OLFM2: variants seen among roughly 807,000 people sequenced by gnomAD.
OLFM2 encodes the protein noelin-2.
In OLFM2, 20 loss-of-function variants were observed where a neutral mutation model predicts 43.9. The observed-to-expected ratio is 0.46, with a 90% confidence interval of 0.32 to 0.66. The LOEUF is 0.66. OLFM2 is among the 30% of genes least tolerant of loss of function. The pLI is 0.04. For synonymous variants in OLFM2, 268 were observed against 278.6 expected (o/e 0.96, Z 0.38); for missense variants, 416 against 643.6 (o/e 0.65, Z 3.83).
intron 1 of OLFM2, among the ~76,000 whole-genome samples, chr19:9,901,457 A>G (rs1438333595): frequency 6.6e-6 from 1 of 151,984 alleles, no homozygotes; most frequent in Non-Finnish European, 1.5e-5. Context: ...CAAACAAACA[A>G]AAAACATAAT....
intron 1 of OLFM2, among the ~76,000 whole-genome samples, chr19:9,923,779 A>G (rs1187567100): frequency 6.6e-6 from 1 of 152,024 alleles, no homozygotes. Flanking sequence ...TCAGGCATGC[A>G]GCACCACACT....
At chr19:9,914,874 C>G (rs964677012) in intron 1 of OLFM2, among the ~76,000 whole-genome samples, 1 of 152,064 alleles carries the variant, frequency 6.6e-6, no homozygotes, top group Non-Finnish European at 1.5e-5. Flanking sequence ...CGCCCTCAGC[C>G]CGCGGCCGCC....
intron 1 of OLFM2, among the ~76,000 whole-genome samples, chr19:9,874,758 G>A (rs147071983): frequency 0.015 from 2,277 of 152,318 alleles, 69 homozygotes; most frequent in African/African-American, 0.052. Flanking sequence ...TGGGATTACA[G>A]GCATGAGCCA....
chr19:9,932,181 C>T (rs997054412), intron 1 of OLFM2, among the ~76,000 whole-genome samples: 3 of 150,452 alleles, frequency 2.0e-5, no homozygotes, highest in African/African-American at 4.9e-5. Flanking sequence ...AAAATATGGC[C>T]GGGCGTGGTG....
chr19:9,860,871 C>T (rs754504694), intron 1 of OLFM2, 77 bp from the exon 2 acceptor site: 10 of 1,444,204 alleles, frequency 6.9e-6, no homozygotes, highest in Non-Finnish European at 9.3e-6. Context: ...GGAAGGGGGC[C>T]CAAGGAAACC....
At position 9,854,906 on chromosome 19, in the gene OLFM2, C is replaced by T. The variant is rs764296873; in HGVS notation, c.688-43G>A. The T allele has an allele frequency of 4.4e-5, 65 of 1,463,536 alleles. No individual in the cohort carries two copies. In the East Asian group the frequency reaches 8.7e-4, roughly 20 times the overall value. 90.7% of individuals were successfully genotyped at this position (1,463,536 alleles called of 1,614,324 possible). A position where few individuals can be genotyped will look rare whatever the true frequency, so the allele number is the denominator to read the frequency against. Reference sequence around the variant, plus strand: ...GGTCACTGGGGGGAACCACCACCAACGACCCAAGGGTCCCAGCACCAGCTA... The same window carrying T: ...GGTCACTGGGGGGAACCACCACCAATGACCCAAGGGTCCCAGCACCAGCTA... On this transcript the variant is annotated intron_variant, in intron 5 of 5. Coordinates refer to ENST00000264833, the MANE Select transcript of OLFM2 (RefSeq NM_058164.4). This position sits in a 1 kb window ranked among gnomAD's most constrained non-coding sequence, Gnocchi z 9.5.
At chr19:9,895,539 T>G (rs1168220762) in intron 1 of OLFM2, among the ~76,000 whole-genome samples, 1 of 152,118 alleles carries the variant, frequency 6.6e-6, no homozygotes, top group African/African-American at 2.4e-5. Flanking sequence ...ACAAAACATT[T>G]AAATAAAAAT....
chr19:9,876,641 G>C (rs1217618371), intron 1 of OLFM2, among the ~76,000 whole-genome samples: 1 of 152,178 alleles, frequency 6.6e-6, no homozygotes, highest in Non-Finnish European at 1.5e-5. Context: ...TTCCCCCAGT[G>C]GAGGTGGGAG....
Position 9,857,877 on chromosome 19 carries a change from A to G in OLFM2, c.214-16T>C. 5.6e-6 allele frequency: 9 copies of G among 1,613,814 alleles called. No individual in the cohort carries two copies. Among genetic ancestry groups the G allele is most frequent in the Non-Finnish European group, 7.6e-6 (9 of 1,180,018 alleles). On this transcript the variant is annotated splice_polypyrimidine_tract_variant and intron_variant, in intron 2 of 5. Coordinates refer to ENST00000264833, the MANE Select transcript of OLFM2 (RefSeq NM_058164.4). The surrounding 1 kb of genome is among the most constrained non-coding windows in gnomAD (Gnocchi z 5.7). ...CGTTCTGGACCTAGGAATGGGGACA[A>G]CTGAAGGGACCAGACCTCCTTCCCC...
Position 9,854,462 on chromosome 19 carries a change from G to A in OLFM2, c.1089C>T (p.Thr363=), listed in dbSNP as rs747998662. ...CGCCAGCGCTGCGCTTGGGGTAGCCGGTGTCCCAGGACCGCATGACCTCGA... is the reference window on the plus strand; with the variant it reads ...CGCCAGCGCTGCGCTTGGGGTAGCCAGTGTCCCAGGACCGCATGACCTCGA... ...HTLEVMRSWD[T]GYPKRSAGEA... is the part of the protein sequence containing the mutation. The change falls in exon 6 of 6, where the codon ACC becomes ACT. Residue 363 remains threonine, a synonymous_variant. Coordinates refer to ENST00000264833, the MANE Select transcript of OLFM2 (RefSeq NM_058164.4). This position sits in a 1 kb window ranked among gnomAD's most constrained non-coding sequence, Gnocchi z 9.5. The A allele has an allele frequency of 3.0e-5, 49 of 1,613,952 alleles. No homozygotes were observed. The East Asian group carries it at 7.6e-4, about 25-fold the overall frequency.
At chr19:9,915,496 T>TTTTTTTAATTTA (rs747006813) in intron 1 of OLFM2, among the ~76,000 whole-genome samples, 2 of 94,086 alleles carry the variant, frequency 2.1e-5, no homozygotes, top group African/African-American at 5.6e-5. Flanking sequence ...AAAGGGACTT[T>TTTTTTTAATTTA]TTTATTTATT....
rs1371390629 is a variant in OLFM2, at chr19:9,857,693, G to T, written c.360+22C>A. 1.2e-6 allele frequency: 2 copies of T among 1,614,098 alleles called. No individual in the cohort carries two copies. Among genetic ancestry groups the T allele is most frequent in the African/African-American group, 2.7e-5 (2 of 75,036 alleles). ...ATCCCAGTCATTTGTTTGACCTCTGGTCTGGACACAGGAGGACCCACCTGG... is the reference window on the plus strand; with the variant it reads ...ATCCCAGTCATTTGTTTGACCTCTGTTCTGGACACAGGAGGACCCACCTGG... On this transcript the variant is annotated intron_variant, in intron 3 of 5. Transcript: ENST00000264833. The surrounding 1 kb of genome is among the most constrained non-coding windows in gnomAD (Gnocchi z 5.7).
chr19:9,894,762 G>A (rs914328208), intron 1 of OLFM2, among the ~76,000 whole-genome samples: 3 of 152,024 alleles, frequency 2.0e-5, no homozygotes, highest in East Asian at 1.9e-4. Context: ...CCCACTCCTC[G>A]GTTGAGAACC....
chr19:9,882,318 C>G lies in OLFM2; in HGVS notation c.64-21524G>C, dbSNP rs567015815. Among the ~76,000 whole-genome samples the G allele has an allele frequency of 2.0e-5, 3 of 150,542 alleles. No homozygotes were observed. The East Asian group carries it at 5.9e-4, about 30-fold the overall frequency. On this transcript the variant is annotated intron_variant, in intron 1 of 5. Coordinates refer to ENST00000264833, the MANE Select transcript of OLFM2 (RefSeq NM_058164.4). ...CTTAGGGAGGCCGAGGTGGGTGGAT[C>G]GTGAGGTCAGGAGATCGAGACCATC... is the stretch of plus-strand genomic sequence containing the variant.
chr19:9,863,524 A>G (rs1400459531), intron 1 of OLFM2, among the ~76,000 whole-genome samples: 1 of 152,028 alleles, frequency 6.6e-6, no homozygotes, highest in Non-Finnish European at 1.5e-5. Context: ...TCCAGGATGC[A>G]TTCTGACAGG....
intron 1 of OLFM2, among the ~76,000 whole-genome samples, chr19:9,931,331 C>T (rs1291204320): frequency 1.3e-5 from 2 of 152,148 alleles, no homozygotes; most frequent in African/African-American, 4.8e-5. Context: ...CTCACTGCAG[C>T]CTCAAACTCC....
rs2046289823 is a variant in OLFM2 at position 9,853,817 on chromosome 19, G to A, written c.*369C>T. 1 of 274,156 alleles carries A rather than the reference G, an allele frequency of 3.6e-6. No homozygotes were observed. Among genetic ancestry groups the A allele is most frequent in the Non-Finnish European group, 6.7e-6 (1 of 148,158 alleles). 17.0% of individuals were successfully genotyped at this position (274,156 alleles called of 1,614,324 possible). ...GCACTCAACTCCTGGGGGTGGGGGT[G>A]GGGGTGGGAGTGAGGGATGAGGAAT... is the stretch of plus-strand genomic sequence containing the variant. On this transcript the variant is annotated 3_prime_UTR_variant, in exon 6 of 6. Coordinates refer to ENST00000264833, the MANE Select transcript of OLFM2 (RefSeq NM_058164.4).
At chr19:9,931,978 A>G (rs546493379) in intron 1 of OLFM2, among the ~76,000 whole-genome samples, 27 of 152,230 alleles carry the variant, frequency 1.8e-4, no homozygotes, top group African/African-American at 6.3e-4. Context: ...TGTGTGTGTG[A>G]GGGGGTCCAT....
chr19:9,932,454 CAAAA>C (rs74178225), intron 1 of OLFM2, among the ~76,000 whole-genome samples: 89 of 95,944 alleles, frequency 9.3e-4, no homozygotes, highest in Admixed American at 1.7e-3. Context: ...GACTCAGTCT[CAAAA>C]AAAAAAAAAA....
Sources: gnomAD v4.1 joint callset for allele counts (sites outside exome capture counted in the v4.1 genomes callset) on GRCh38, gnomAD v4.1.1 for gene constraint, Gnocchi (gnomAD v3.1) non-coding constraint, MANE v1.5 for transcripts, NCBI Gene and HGNC (gene_info 2026-07-23, HGNC 2026-07-21) for gene names.